Variants in AK9 observed in about 807,000 individuals in gnomAD.
AK9 encodes adenylate kinase 9.
AK9 carries 191 observed loss-of-function variants against 239.6 expected under a neutral mutation model. The observed-to-expected ratio is 0.80, with a 90% CI of 0.71 to 0.90. The LOEUF is 0.90. AK9 is among the 40% of genes least tolerant of loss of function. AK9 has a pLI of 0.00. For missense variants in AK9, 1,995 were observed against 2,214.7 expected (o/e 0.90, Z 1.99); for synonymous variants, 689 against 721.0 (o/e 0.96, Z 0.71).
At position 109,662,663 on chromosome 6, in the gene AK9, C is replaced by T; in HGVS notation, c.332G>A (p.Gly111Asp). 2 of 1,473,646 alleles carry T rather than the reference C, an allele frequency of 1.4e-6. No homozygotes were observed. The highest frequency in any genetic ancestry group is 1.8e-6 in the Non-Finnish European group (2 of 1,105,922). 91.3% of individuals were successfully genotyped at this position (1,473,646 alleles called of 1,614,324 possible). The change falls in exon 6 of 41, where the codon GGT (glycine) becomes GAT (aspartate). Residue 111 changes from glycine to aspartate, a missense_variant and splice_region_variant. Gly to Asp is a moderately conservative substitution (Grantham distance 94). Around this residue, in one of 5 missense-constraint regions of AK9, gnomAD observed 252 missense variants for 246.4 expected, o/e 1.02. Coordinates refer to ENST00000424296, the MANE Select transcript of AK9 (RefSeq NM_001145128.3). ...KLNSPEVCHFGYIITEIPSLS... is the reference protein window; with the variant it reads ...KLNSPEVCHFDYIITEIPSLS... ...TGATGGTATTTCAGTGATAATATAACCTGTAAAGTAAAATATAATTTTAAA... is the reference window on the plus strand; with the variant it reads ...TGATGGTATTTCAGTGATAATATAATCTGTAAAGTAAAATATAATTTTAAA...
intron 38 of AK9, among the ~76,000 whole-genome samples, chr6:109,495,982 T>TA (rs77612648): frequency 7.3e-4 from 103 of 141,876 alleles, no homozygotes; most frequent in Middle Eastern, 3.6e-3. Context: ...ATTCCCCATT[T>TA]AAAAAAAAAA....
At chr6:109,509,424 T>A in intron 32 of AK9, 44 bp from the exon 33 acceptor site, 1 of 1,499,428 alleles carries the variant, frequency 6.7e-7, no homozygotes, top group Non-Finnish European at 9.0e-7. Context: ...TGATTTAGAT[T>A]CAGGGGGGAC....
At position 109,497,214 on chromosome 6, in the gene AK9, T is replaced by C. The variant is rs73520966; in HGVS notation, c.5315+251A>G. The stretch of plus-strand genomic sequence containing the variant: ...AGTTAGACCTTTGGGCTACACTCTC[T>C]CAGAAGTCCAGGCATTTCCCCACCC... On this transcript the variant is annotated intron_variant, in intron 38 of 40. Transcript: ENST00000424296. Among the ~76,000 whole-genome samples, 1,217 of 152,008 alleles carry C rather than the reference T, an allele frequency of 8.0e-3. 26 individuals carry two copies. Among genetic ancestry groups the C allele is most frequent in the African/African-American group, 0.026 (1,079 of 41,434 alleles).
At chr6:109,638,464 A>G (rs1017126255) in intron 10 of AK9, among the ~76,000 whole-genome samples, 4 of 151,980 alleles carry the variant, frequency 2.6e-5, no homozygotes, top group Non-Finnish European at 4.4e-5. Context: ...TGATCCTGGC[A>G]TATGTTTTTG....
intron 17 of AK9, among the ~76,000 whole-genome samples, chr6:109,596,014 A>T (rs1214371870): frequency 6.6e-6 from 1 of 152,110 alleles, no homozygotes; most frequent in African/African-American, 2.4e-5. Context: ...AAAAAAAGAA[A>T]AATAAATAAA....
chr6:109,555,946 C>T (rs749592363), intron 24 of AK9, among the ~76,000 whole-genome samples: 6 of 152,190 alleles, frequency 3.9e-5, no homozygotes, highest in Middle Eastern at 6.8e-3. Context: ...ACCAATAGAT[C>T]GTGGTTCTTT....
chr6:109,579,431 G>C, intron 20 of AK9, 119 bp downstream of exon 20: 1 of 903,864 alleles, frequency 1.1e-6, no homozygotes, highest in Non-Finnish European at 1.7e-6. Flanking sequence ...GCATAAACCT[G>C]GGCTCTCATG....
At chr6:109,661,856 G>A (rs1700548674) in intron 6 of AK9, among the ~76,000 whole-genome samples, 1 of 152,148 alleles carries the variant, frequency 6.6e-6, no homozygotes. Flanking sequence ...ACAACCCCAT[G>A]AGGCAGCTAT....
chr6:109,589,890 C>G (rs1228516664), intron 17 of AK9, among the ~76,000 whole-genome samples: 1 of 152,058 alleles, frequency 6.6e-6, no homozygotes, highest in South Asian at 2.1e-4. Flanking sequence ...TATGCTGAAC[C>G]AACCTTGCAT....
intron 9 of AK9, among the ~76,000 whole-genome samples, chr6:109,643,778 C>G (rs1202700609): frequency 1.3e-5 from 2 of 152,178 alleles, no homozygotes; most frequent in Non-Finnish European, 2.9e-5. Context: ...TATTCAGTAC[C>G]TGCAAACCAC....
intron 24 of AK9, among the ~76,000 whole-genome samples, chr6:109,557,387 C>T (rs1232799392): frequency 1.3e-5 from 2 of 152,072 alleles, no homozygotes; most frequent in Non-Finnish European, 2.9e-5. Context: ...GACTTTTGAC[C>T]TTGAGGAACA....
chr6:109,622,598 GTA>G lies in AK9; in HGVS notation c.1255-3364_1255-3363del, dbSNP rs879456371. ...AATATATGCATAGTATGCTATATAT[GTA>G]TATATGTGTATTATAGACATAAAAT... On this transcript the variant is annotated intron_variant, in intron 12 of 40. Coordinates refer to ENST00000424296, the MANE Select transcript of AK9 (RefSeq NM_001145128.3). Among the ~76,000 whole-genome samples, 391 of 145,588 alleles carry G rather than the reference GTA, an allele frequency of 2.7e-3. 1 individual carries two copies. Among genetic ancestry groups the G allele is most frequent in the Non-Finnish European group, 4.5e-3 (303 of 66,920 alleles).
At position 109,653,102 on chromosome 6, in the gene AK9, T is replaced by C. The variant is rs545910327; in HGVS notation, c.759+3654A>G. On this transcript the variant is annotated intron_variant, in intron 8 of 40. Transcript: ENST00000424296. ...CCACCATGCCTGGCTGATTTTTGTA[T>C]TTTTAGTAGAGAGGCGGTTTCACCA... Among the ~76,000 whole-genome samples the C allele has an allele frequency of 2.8e-3, 423 of 152,236 alleles. 1 individual carries two copies. The highest frequency in any genetic ancestry group is 9.7e-3 in the African/African-American group (405 of 41,558).
chr6:109,560,745 T>TTTTG (rs1280578788), intron 24 of AK9, among the ~76,000 whole-genome samples: 5 of 152,188 alleles, frequency 3.3e-5, no homozygotes, highest in Non-Finnish European at 7.3e-5. Flanking sequence ...TTGCTTTTAA[T>TTTTG]GTCTTTGGTT....
At position 109,616,530 on chromosome 6, in the gene AK9, C is replaced by T. The variant is rs1456137687; in HGVS notation, c.1400-2050G>A. On this transcript the variant is annotated intron_variant, in intron 13 of 40. Coordinates refer to ENST00000424296, the MANE Select transcript of AK9 (RefSeq NM_001145128.3). ...GTAGCTGAGTCTACAGGTGTGGACC[C>T]CCACACCCAACTAATTTTTTTTTTT... Among the ~76,000 whole-genome samples, 13 of 136,722 alleles carry T rather than the reference C, an allele frequency of 9.5e-5. No individual in the cohort carries two copies. In the Admixed American group the frequency reaches 1.0e-3, roughly 11 times the overall value. The allele number at this position is 136,722 out of a possible 152,430, so 89.7% of individuals were successfully genotyped here.
chr6:109,564,991 C>T (rs184408323), intron 21 of AK9, 146 bp from the exon 22 acceptor site: 38 of 532,400 alleles, frequency 7.1e-5, no homozygotes, highest in East Asian at 4.2e-4. Context: ...AGGGAAAGAA[C>T]GGCATAAGAA....
chr6:109,500,739 C>T (rs978437079), intron 35 of AK9, among the ~76,000 whole-genome samples: 3 of 152,110 alleles, frequency 2.0e-5, no homozygotes, highest in Non-Finnish European at 4.4e-5. Context: ...CACACTCAGC[C>T]AGGTGTGGTG....
At chr6:109,673,951 A>G (rs1771307449) in intron 3 of AK9, among the ~76,000 whole-genome samples, 1 of 151,788 alleles carries the variant, frequency 6.6e-6, no homozygotes, top group Non-Finnish European at 1.5e-5. Flanking sequence ...CTGGGCAACA[A>G]AGCAAGACCA....
At chr6:109,523,116 T>C (rs1313663754) in intron 29 of AK9, among the ~76,000 whole-genome samples, 2 of 152,180 alleles carry the variant, frequency 1.3e-5, no homozygotes, top group African/African-American at 2.4e-5. Flanking sequence ...AATAATGAGT[T>C]TTATTCTTAC....
Sources: allele counts gnomAD v4.1 joint callset (sites outside exome capture counted in the v4.1 genomes callset), GRCh38; gene constraint gnomAD v4.1.1; regional missense constraint gnomAD v4.1.1; transcripts MANE v1.5; gene names NCBI Gene and HGNC (gene_info 2026-07-23, HGNC 2026-07-21).